SH3TC1: variants seen among roughly 807,000 people sequenced by gnomAD.
SH3TC1 encodes the protein SH3 domain and tetratricopeptide repeat-containing protein 1.
Under a neutral mutation model 117.3 loss-of-function variants are expected in SH3TC1, and 135 were observed. That is an observed-to-expected ratio of 1.15 (90% CI 1.00 to 1.33). SH3TC1 has a LOEUF of 1.33. SH3TC1 is among the 40% of genes most tolerant of loss of function. The pLI, the probability that SH3TC1 is intolerant of heterozygous loss-of-function variation, is 0.00. For missense variants in SH3TC1, 2,092 were observed against 1,794.3 expected, an observed-to-expected ratio of 1.17 and a Z score of -3.00; for synonymous variants, 898 against 816.9, an observed-to-expected ratio of 1.10 and a Z score of -1.69.
At chr4:8,218,212 G>A (rs1719497675) in intron 7 of SH3TC1, 59 bp from the exon 8 acceptor site, 1 of 1,405,472 alleles carries the variant, frequency 7.1e-7, no homozygotes, top group Non-Finnish European at 1.0e-6. Context: ...TCTCTGCACA[G>A]GATGTATCTG....
chr4:8,240,252 AC>A lies in SH3TC1; in HGVS notation c.3754-444del, dbSNP rs373865642. The stretch of plus-strand genomic sequence containing the variant: ...TTCAGGGAAGATTCCCAGAGAGGAC[AC>A]CTGGGAGATGCTTTTATACCTGGCC... On this transcript the variant is annotated intron_variant, in intron 17 of 17. Coordinates refer to ENST00000245105, the MANE Select transcript of SH3TC1 (RefSeq NM_018986.5). 1.0e-3 allele frequency among the ~76,000 whole-genome samples: 153 copies of A among 152,324 alleles called. 1 individual carries two copies. Among genetic ancestry groups the A allele is most frequent in the African/African-American group, 3.7e-3 (153 of 41,572 alleles).
rs866221821 is a variant in SH3TC1 at position 8,236,405 on chromosome 4, C to A, written c.3533C>A (p.Ala1178Asp). Residue 1178 changes from alanine to aspartate, a missense_variant, in exon 16 of 18, where the codon GCC (alanine) becomes GAC (aspartate). Transcript: ENST00000245105. Reference sequence around the variant, plus strand: ...GAGGGCTTGGAGTTTGCCCACATGGCCCTAGCACTCAGCATCACCCTGGGT... The same window carrying A: ...GAGGGCTTGGAGTTTGCCCACATGGACCTAGCACTCAGCATCACCCTGGGT... ...PQEGLEFAHM[A>D]LALSITLGDR... 1 of 1,512,198 alleles carries A rather than the reference C, an allele frequency of 6.6e-7. No homozygotes were observed. The highest frequency in any genetic ancestry group is 2.6e-5 in the East Asian group (1 of 39,150). 93.7% of individuals were successfully genotyped at this position (1,512,198 alleles called of 1,614,324 possible).
In SH3TC1 at chr4:8,209,027, A is replaced by G. The variant is rs553633806; in HGVS notation, c.173-721A>G. On this transcript the variant is annotated intron_variant, in intron 2 of 17. Coordinates refer to ENST00000245105, the MANE Select transcript of SH3TC1 (RefSeq NM_018986.5). The surrounding 1 kb of genome is among the most constrained non-coding windows in gnomAD (Gnocchi z 5.9). ...CCAAGATGCAAACTCTGCAGGACCA[A>G]TGGCCAGAGGGGTGACCCCCAGCAG... is the stretch of plus-strand genomic sequence containing the variant. Among the ~76,000 whole-genome samples the G allele has an allele frequency of 1.2e-3, 184 of 152,360 alleles. No individual in the cohort carries two copies. Among genetic ancestry groups the G allele is most frequent in the African/African-American group, 4.3e-3 (177 of 41,584 alleles).
At position 8,209,874 on chromosome 4, in the gene SH3TC1, C is replaced by T. The variant is rs557558427; in HGVS notation, c.247+52C>T. ...CTTCAGGTTCAAATCCGGGCTGTGCCGCTCCCTGGGCATCCAAGAGTCCAA... is the reference window on the plus strand; with the variant it reads ...CTTCAGGTTCAAATCCGGGCTGTGCTGCTCCCTGGGCATCCAAGAGTCCAA... On this transcript the variant is annotated intron_variant, in intron 3 of 17. Coordinates refer to ENST00000245105, the MANE Select transcript of SH3TC1 (RefSeq NM_018986.5). The surrounding 1 kb of genome is among the most constrained non-coding windows in gnomAD (Gnocchi z 5.9). 3.2e-5 allele frequency: 50 copies of T among 1,570,070 alleles called. No homozygotes were observed. Among genetic ancestry groups the T allele is most frequent in the Middle Eastern group, 1.8e-4 (1 of 5,446 alleles).
rs762197570 is a variant in SH3TC1, at chr4:8,214,563, C to T, written c.464C>T (p.Ser155Phe). Residue 155 changes from serine to phenylalanine, a missense_variant, in exon 5 of 18, where the codon TCC becomes TTC. Coordinates refer to ENST00000245105, the MANE Select transcript of SH3TC1 (RefSeq NM_018986.5). ...FKTFEEIWKFSTYHALGFTHH... is the reference protein window; with the variant it reads ...FKTFEEIWKFFTYHALGFTHH... ...ACTTTTGAAGAAATCTGGAAGTTTT[C>T]CACCTACCATGCTCTCGGTAAAGAG... 9.8e-5 allele frequency: 158 copies of T among 1,613,796 alleles called. No homozygotes were observed. The highest frequency in any genetic ancestry group is 1.5e-4 in the Admixed American group (9 of 59,998).
intron 11 of SH3TC1, among the ~76,000 whole-genome samples, chr4:8,226,744 T>A (rs548999379): frequency 2.0e-5 from 3 of 152,318 alleles, no homozygotes; most frequent in African/African-American, 7.2e-5. Context: ...ATAGGAGAGT[T>A]GGGCCATGGG....
At chr4:8,226,906 G>T in intron 11 of SH3TC1, 74 bp from the exon 12 acceptor site, 1 of 1,166,506 alleles carries the variant, frequency 8.6e-7, no homozygotes, top group East Asian at 2.7e-5. Context: ...CTGGGGATGA[G>T]GGGACCCTGC....
rs369804581 is a variant in SH3TC1, at chr4:8,228,422, G to A, written c.2728G>A (p.Gly910Arg). ...CCAGGCAGTGGGGCTGGCCAACTTCGGGGCCCTGTGCCTGCATGCGGGTGC... is the reference window on the plus strand; with the variant it reads ...CCAGGCAGTGGGGCTGGCCAACTTCAGGGCCCTGTGCCTGCATGCGGGTGC... ...RNQAVGLANF[G>R]ALCLHAGASR... Residue 910 changes from glycine (G) to arginine (R), a missense_variant, in exon 12 of 18, where the codon GGG (glycine) becomes AGG (arginine). Physicochemically the swap from Gly to Arg is moderately radical, Grantham distance 125. Coordinates refer to ENST00000245105, the MANE Select transcript of SH3TC1 (RefSeq NM_018986.5). The A allele has an allele frequency of 3.2e-5, 52 of 1,605,712 alleles. No individual in the cohort carries two copies. The highest frequency in any genetic ancestry group is 4.0e-5 in the Non-Finnish European group (47 of 1,175,954).
rs573435364 is a variant in SH3TC1, at chr4:8,219,523, G to C, written c.1105G>C (p.Val369Leu). Residue 369 changes from valine to leucine, a missense_variant, in exon 9 of 18, where the codon GTG becomes CTG. Transcript: ENST00000245105. ...CAGCCTCATCAGCATGCAGGGCCCC[G>C]TGTCCGAGTGAGTGGCTGGAGCCCC... ...RSSLISMQGPVSELESAIFLN... is the reference protein window; with the variant it reads ...RSSLISMQGPLSELESAIFLN... 3 of 1,557,048 alleles carry C rather than the reference G, an allele frequency of 1.9e-6. No homozygotes were observed. The highest frequency in any genetic ancestry group is 2.6e-6 in the Non-Finnish European group (3 of 1,145,280).
chr4:8,225,143 G>C lies in SH3TC1; in HGVS notation c.1244-32G>C. On this transcript the variant is annotated intron_variant, in intron 10 of 17. Coordinates refer to ENST00000245105, the MANE Select transcript of SH3TC1 (RefSeq NM_018986.5). The surrounding 1 kb of genome is among the most constrained non-coding windows in gnomAD (Gnocchi z 5.5). ...AGGGGACCAGAGGTACTGGCTGGGG[G>C]TGTTGATTGCTTCTCTTTTCTCCCT... The C allele has an allele frequency of 6.2e-7, 1 of 1,613,500 alleles. No individual in the cohort carries two copies.
chr4:8,205,795 G>C lies in SH3TC1; in HGVS notation c.172+429G>C. On this transcript the variant is annotated intron_variant, in intron 2 of 17. Coordinates refer to ENST00000245105, the MANE Select transcript of SH3TC1 (RefSeq NM_018986.5). This position sits in a 1 kb window ranked among gnomAD's most constrained non-coding sequence, Gnocchi z 5.4. ...CGGGCCAGGCCACCCTGTGGTCAGG[G>C]GCCGGGCCAGGACGTGTGCCCAGTT... is the stretch of plus-strand genomic sequence containing the variant. 3.2e-6 allele frequency: 2 copies of C among 615,728 alleles called. No homozygotes were observed. Among genetic ancestry groups the C allele is most frequent in the Admixed American group, 5.4e-5 (2 of 37,096 alleles). The allele number at this position is 615,728 out of a possible 1,614,324, so 38.1% of individuals were successfully genotyped here.
intron 7 of SH3TC1, 174 bp from the exon 8 acceptor site, chr4:8,218,097 G>C (rs1719477376): frequency 2.1e-6 from 1 of 477,902 alleles, no homozygotes; most frequent in African/African-American, 2.0e-5. Context: ...GGGCCTGAAG[G>C]CCACACACCT....
chr4:8,183,345 G>C lies in SH3TC1; in HGVS notation c.-57+1135G>C, dbSNP rs561553649. On this transcript the variant is annotated intron_variant, in intron 1 of 16. Coordinates refer to the SH3TC1 transcript ENST00000508641. This position sits in a 1 kb window ranked among gnomAD's most constrained non-coding sequence, Gnocchi z 5.4. The stretch of plus-strand genomic sequence containing the variant: ...GGATGCCCTTCCAAAGCCCTGCCTC[G>C]GTTTCCTGGTGCTGTGGGAACAATG... Among the ~76,000 whole-genome samples the C allele has an allele frequency of 1.2e-4, 18 of 152,270 alleles. No homozygotes were observed. Among genetic ancestry groups the C allele is most frequent in the African/African-American group, 4.3e-4 (18 of 41,562 alleles).
intron 13 of SH3TC1, 62 bp from the exon 14 acceptor site, chr4:8,233,301 A>G: frequency 6.5e-7 from 1 of 1,541,494 alleles, no homozygotes; most frequent in Non-Finnish European, 8.7e-7. Context: ...GACCCACGGG[A>G]GGAGGCAGAC....
chr4:8,215,057 G>T (rs1423955360), intron 5 of SH3TC1: 1 of 440,014 alleles, frequency 2.3e-6, no homozygotes, highest in Admixed American at 2.4e-5. Context: ...GGTGCTCAGG[G>T]AGAAATGCCG....
intron 1 of SH3TC1, among the ~76,000 whole-genome samples, chr4:8,193,164 T>C (rs1427460559): frequency 2.6e-5 from 4 of 152,208 alleles, no homozygotes; most frequent in African/African-American, 9.6e-5. Context: ...CCAGAGCACG[T>C]TTGCCTCCCC....
intron 16 of SH3TC1, 79 bp downstream of exon 16, chr4:8,236,507 G>GA: frequency 1.4e-6 from 2 of 1,405,306 alleles, no homozygotes; most frequent in Admixed American, 6.5e-5. Flanking sequence ...GGCAGGAGCC[G>GA]AAACAGCTGC....
rs533622915 is a variant in SH3TC1, at chr4:8,225,084, T to C, written c.1244-91T>C. The C allele has an allele frequency of 6.7e-7, 1 of 1,489,534 alleles. No individual in the cohort carries two copies. The highest frequency in any genetic ancestry group is 1.4e-5 in the African/African-American group (1 of 72,608). 92.3% of individuals were successfully genotyped at this position (1,489,534 alleles called of 1,614,324 possible). On this transcript the variant is annotated intron_variant, in intron 10 of 17. Transcript: ENST00000245105. This position sits in a 1 kb window ranked among gnomAD's most constrained non-coding sequence, Gnocchi z 5.5. ...TCAATACCTGCACCCAGCAATGCTCTCACCCTGCAACATCGACACTAGCTC... is the reference window on the plus strand; with the variant it reads ...TCAATACCTGCACCCAGCAATGCTCCCACCCTGCAACATCGACACTAGCTC...
chr4:8,216,608 C>G (rs1719302902), intron 6 of SH3TC1, among the ~76,000 whole-genome samples: 1 of 152,198 alleles, frequency 6.6e-6, no homozygotes, highest in South Asian at 2.1e-4. Flanking sequence ...CCTACCCGAC[C>G]ACAGCAGGAG....
Sources: allele counts gnomAD v4.1 joint callset (sites outside exome capture counted in the v4.1 genomes callset), GRCh38; gene constraint gnomAD v4.1.1; non-coding constraint Gnocchi (gnomAD v3.1); transcripts MANE v1.5; gene names NCBI Gene and HGNC (gene_info 2026-07-23, HGNC 2026-07-21).